Variants in RORA observed in about 807,000 individuals in gnomAD.
RORA encodes the protein RAR related orphan receptor A, also known as nuclear receptor ROR-alpha.
RORA carries 7 observed loss-of-function variants against 69.5 expected under a neutral mutation model. The ratio of observed to expected loss-of-function variants is 0.10; its 90% CI spans 0.06 to 0.19. The LOEUF is 0.19. Among genes scored for constraint, RORA ranks in the 10% least tolerant of loss-of-function variants. The probability of loss-of-function intolerance (pLI) is 1.00; values close to 1 mark genes in which losing one functional copy is unlikely to be tolerated. For synonymous variants in RORA, 261 were observed against 240.8 expected (o/e 1.08, Z -0.78); for missense variants, 457 against 663.0 (o/e 0.69, Z 3.41).
At chr15:61,104,744 G>A (rs1003092735) in intron 1 of RORA, among the ~76,000 whole-genome samples, 2 of 152,068 alleles carry the variant, frequency 1.3e-5, no homozygotes, top group East Asian at 1.9e-4. Context: ...CCTTAGCATG[G>A]AGCCCTCTTC....
chr15:61,071,141 A>G (rs925744102), intron 1 of RORA, among the ~76,000 whole-genome samples: 1 of 141,276 alleles, frequency 7.1e-6, no homozygotes, highest in African/African-American at 2.7e-5. Context: ...TACCAATATG[A>G]GGTTGTTTCT....
chr15:60,855,789 G>C (rs894834080), intron 1 of RORA, among the ~76,000 whole-genome samples: 15 of 152,038 alleles, frequency 9.9e-5, no homozygotes, highest in Admixed American at 9.8e-4. Context: ...GCTAATTTTT[G>C]TATTTTCAGT....
intron 1 of RORA, among the ~76,000 whole-genome samples, chr15:60,858,913 C>T (rs989350471): frequency 2.6e-5 from 4 of 152,118 alleles, no homozygotes; most frequent in African/African-American, 4.8e-5. Context: ...AAAGAAGGCC[C>T]GGTGCCCTTG....
At chr15:61,156,055 G>T (rs973795) in intron 1 of RORA, among the ~76,000 whole-genome samples, 85,429 of 151,772 alleles carry the variant, frequency 0.56, 24,568 homozygotes, top group Non-Finnish European at 0.61. Flanking sequence ...CTGGAAGATA[G>T]TCCCTGAAAT....
intron 1 of RORA, among the ~76,000 whole-genome samples, chr15:61,019,944 G>GT (rs1343464959): frequency 1.6e-4 from 25 of 152,084 alleles, no homozygotes; most frequent in African/African-American, 6.0e-4. Flanking sequence ...CCCGTCCTCT[G>GT]ACCTCCGCTC....
At chr15:60,527,363 C>T (rs1249272629) in intron 3 of RORA, among the ~76,000 whole-genome samples, 3 of 152,196 alleles carry the variant, frequency 2.0e-5, no homozygotes, top group African/African-American at 4.8e-5. Context: ...AAAAGCAAAC[C>T]TTAACCAATG....
chr15:60,554,783 G>A (rs1197476157), intron 2 of RORA, among the ~76,000 whole-genome samples: 1 of 152,094 alleles, frequency 6.6e-6, no homozygotes, highest in Non-Finnish European at 1.5e-5. Context: ...GTTTGGAAAA[G>A]AAGGACTGCC....
chr15:60,942,911 C>T (rs896736528), intron 1 of RORA, among the ~76,000 whole-genome samples: 8 of 152,160 alleles, frequency 5.3e-5, no homozygotes, highest in African/African-American at 1.9e-4. Flanking sequence ...ATTATCAAGC[C>T]CACGAAGCCC....
rs898633380 is a variant in RORA at position 61,116,856 on chromosome 15, C to A, written c.166+112197G>T. 5.9e-5 allele frequency among the ~76,000 whole-genome samples: 9 copies of A among 152,138 alleles called. No individual in the cohort carries two copies. The East Asian group carries it at 9.6e-4, about 16-fold the overall frequency. On this transcript the variant is annotated intron_variant, in intron 1 of 10. Transcript: ENST00000335670. ...TAGGTCCCTGCTAGCGCTAACTTCT[C>A]GTGTGATCAGTGCTTCTAAAATTGC...
chr15:60,990,145 A>T (rs1386707505), intron 1 of RORA, among the ~76,000 whole-genome samples: 1 of 152,220 alleles, frequency 6.6e-6, no homozygotes, highest in African/African-American at 2.4e-5. Context: ...ATCTTGTTAG[A>T]TCAAATATAA....
At chr15:60,898,089 A>C (rs2414685) in intron 1 of RORA, among the ~76,000 whole-genome samples, 68,737 of 151,986 alleles carry the variant, frequency 0.45, 15,679 homozygotes, top group South Asian at 0.51. Flanking sequence ...TAGGGATTTT[A>C]GGTGTACTGC....
chr15:61,221,233 C>T (rs757374587), intron 1 of RORA, among the ~76,000 whole-genome samples: 9 of 152,308 alleles, frequency 5.9e-5, no homozygotes, highest in Middle Eastern at 3.4e-3. Flanking sequence ...GGATTTCTTC[C>T]GTACAACCTA....
chr15:61,119,028 A>G (rs1409119325), intron 1 of RORA, among the ~76,000 whole-genome samples: 2 of 146,358 alleles, frequency 1.4e-5, no homozygotes, highest in African/African-American at 5.0e-5. Flanking sequence ...GAAGATGAAC[A>G]TGAGATGACA....
chr15:60,757,889 C>A lies in RORA; in HGVS notation c.167-79203G>T, dbSNP rs528642371. On this transcript the variant is annotated intron_variant, in intron 1 of 10. Coordinates refer to ENST00000335670, the MANE Select transcript of RORA (RefSeq NM_134261.3). ...TGGGTTATCACAGCCACCCGTCACC[C>A]TCAGAATTCCAACATTCACCCACAT... Among the ~76,000 whole-genome samples the A allele has an allele frequency of 5.5e-4, 84 of 152,260 alleles. 1 individual carries two copies. The South Asian group carries it at 0.017, about 31-fold the overall frequency.
chr15:61,200,693 C>T (rs1049153544), intron 1 of RORA, among the ~76,000 whole-genome samples: 6 of 152,262 alleles, frequency 3.9e-5, no homozygotes, highest in South Asian at 2.1e-4. Flanking sequence ...TTATCAACAT[C>T]GGAGACGGCC....
intron 1 of RORA, among the ~76,000 whole-genome samples, chr15:61,168,384 A>T (rs2079556776): frequency 6.6e-6 from 1 of 151,910 alleles, no homozygotes; most frequent in African/African-American, 2.4e-5. Flanking sequence ...ATGCACCACC[A>T]TGCCCAACTA....
intron 1 of RORA, among the ~76,000 whole-genome samples, chr15:61,115,953 G>A (rs1418860410): frequency 6.6e-6 from 1 of 152,118 alleles, no homozygotes; most frequent in African/African-American, 2.4e-5. Flanking sequence ...GTGTCTAGGG[G>A]ACAAGATGAA....
rs555646156 is a variant in RORA at position 60,886,356 on chromosome 15, A to C, written c.167-207670T>G. On this transcript the variant is annotated intron_variant, in intron 1 of 10. Transcript: ENST00000335670. ...GTGGGGGCCCCTGGATATGTTTCCCATCTCCCGGTCCTACAGCTCACGAGG... is the reference window on the plus strand; with the variant it reads ...GTGGGGGCCCCTGGATATGTTTCCCCTCTCCCGGTCCTACAGCTCACGAGG... Among the ~76,000 whole-genome samples the C allele has an allele frequency of 5.3e-5, 8 of 152,300 alleles. 1 individual carries two copies. The highest frequency in any genetic ancestry group is 1.9e-4 in the African/African-American group (8 of 41,564).
At chr15:60,682,643 C>T (rs1030187326) in intron 1 of RORA, among the ~76,000 whole-genome samples, 8 of 152,134 alleles carry the variant, frequency 5.3e-5, no homozygotes, top group African/African-American at 1.9e-4. Context: ...AAGGAAGCTG[C>T]CTACTCACTA....
Sources: gnomAD v4.1 joint callset for allele counts (sites outside exome capture counted in the v4.1 genomes callset) on GRCh38, gnomAD v4.1.1 for gene constraint, MANE v1.5 for transcripts, NCBI Gene and HGNC (gene_info 2026-07-23, HGNC 2026-07-21) for gene names.